DNAH11: variants seen among roughly 807,000 people sequenced by gnomAD.
The protein encoded by DNAH11 is dynein axonemal heavy chain 11, also known as axonemal beta dynein heavy chain 11.
In DNAH11, 442 loss-of-function variants were observed where a neutral mutation model predicts 526.0. The observed-to-expected ratio is 0.84, with a 90% CI of 0.78 to 0.91. The LOEUF (loss-of-function observed/expected upper bound fraction) is 0.91. DNAH11 is among the 40% of genes least tolerant of loss of function. The pLI, the probability that DNAH11 is intolerant of heterozygous loss-of-function variation, is 0.00. For missense variants in DNAH11, 6,989 were observed against 5,448.7 expected, an observed-to-expected ratio of 1.28 and a Z score of -8.90; for synonymous variants, 2,461 against 1,935.9, an observed-to-expected ratio of 1.27 and a Z score of -7.12.
Position 21,681,650 on chromosome 7 carries a change from C to T in DNAH11, c.5433C>T (p.Asp1811=), listed in dbSNP as rs761154725. Residue 1811 remains aspartate (D), a synonymous_variant, in exon 31 of 82, where the codon GAC becomes GAT. Transcript: ENST00000409508. ...GTACCATAGATGTCCATGCCAGAGA[C>T]GTGGTGGCAAAACTTATTTCTCAGA... ...TICTIDVHAR[D]VVAKLISQKV... is the part of the protein sequence containing the mutation. 1.1e-5 allele frequency: 18 copies of T among 1,613,858 alleles called. No homozygotes were observed. The highest frequency in any genetic ancestry group is 4.5e-5 in the East Asian group (2 of 44,868).
At chr7:21,885,672 AT>A (rs755485846) in intron 76 of DNAH11, among the ~76,000 whole-genome samples, 2 of 152,164 alleles carry the variant, frequency 1.3e-5, no homozygotes, top group Non-Finnish European at 2.9e-5. Context: ...TGATTGCCTG[AT>A]TTGATCATTA....
At chr7:21,720,631 C>T (rs977526418) in intron 43 of DNAH11, 94 bp from the exon 44 acceptor site, 7 of 1,339,398 alleles carry the variant, frequency 5.2e-6, no homozygotes, top group Non-Finnish European at 7.0e-6. Flanking sequence ...AAACTATGTA[C>T]TCTCTTAAGG....
chr7:21,707,564 TC>T (rs1171974568), intron 39 of DNAH11, 134 bp from the exon 40 acceptor site: 1 of 1,105,456 alleles, frequency 9.0e-7, no homozygotes, highest in African/African-American at 1.6e-5. Flanking sequence ...TGTGCATTTT[TC>T]CCCTTCTCGA....
In DNAH11 at chr7:21,654,744, G is replaced by A. The variant is rs571730999; in HGVS notation, c.4945-1088G>A. Among the ~76,000 whole-genome samples, 28 of 152,038 alleles carry A rather than the reference G, an allele frequency of 1.8e-4. 1 individual carries two copies. The highest frequency in any genetic ancestry group is 7.2e-4 in the Admixed American group (11 of 15,232). On this transcript the variant is annotated intron_variant, in intron 28 of 81. Coordinates refer to ENST00000409508, the MANE Select transcript of DNAH11 (RefSeq NM_001277115.2). ...CCATTTCTGATACTTCTTCTGGGCC[G>A]CCCCTGCCCTTTACTCAGTCTACCT...
At chr7:21,858,248 T>C (rs984331641) in intron 68 of DNAH11, among the ~76,000 whole-genome samples, 5 of 152,200 alleles carry the variant, frequency 3.3e-5, no homozygotes, top group African/African-American at 7.2e-5. Context: ...AGCACAGATA[T>C]GGTACTACAG....
In DNAH11 at chr7:21,600,670, A is replaced by G; in HGVS notation, c.3001-6A>G. ...ATAGTAAGTGCTGTGTTTTCCTCTC[A>G]TTTAGAATGATATGGATAACATGTT... On this transcript the variant is annotated splice_region_variant and splice_polypyrimidine_tract_variant and intron_variant, in intron 15 of 81. Transcript: ENST00000409508. 2.5e-6 allele frequency: 4 copies of G among 1,597,766 alleles called. No individual in the cohort carries two copies. Among genetic ancestry groups the G allele is most frequent in the Non-Finnish European group, 3.4e-6 (4 of 1,170,810 alleles).
intron 65 of DNAH11, among the ~76,000 whole-genome samples, chr7:21,838,249 T>C (rs1202682274): frequency 6.6e-6 from 1 of 152,244 alleles, no homozygotes; most frequent in African/African-American, 2.4e-5. Flanking sequence ...GTGATACACA[T>C]TGCTATGCTC....
chr7:21,773,138 A>G (rs1196516798), intron 55 of DNAH11, among the ~76,000 whole-genome samples: 1 of 152,182 alleles, frequency 6.6e-6, no homozygotes, highest in Non-Finnish European at 1.5e-5. Context: ...CAGAAGTCAT[A>G]GAGGACAAAA....
intron 67 of DNAH11, among the ~76,000 whole-genome samples, chr7:21,852,911 C>T (rs1161782468): frequency 2.0e-5 from 3 of 152,312 alleles, no homozygotes; most frequent in African/African-American, 7.2e-5. Flanking sequence ...CTGAGGCCTG[C>T]TGGCTTCTAT....
chr7:21,885,612 G>A (rs1784098492), intron 76 of DNAH11, among the ~76,000 whole-genome samples: 1 of 152,090 alleles, frequency 6.6e-6, no homozygotes, highest in South Asian at 2.1e-4. Flanking sequence ...AGAGGATTTT[G>A]TATGTTCCCA....
At chr7:21,593,434 C>G (rs1353526875) in intron 14 of DNAH11, among the ~76,000 whole-genome samples, 1 of 152,088 alleles carries the variant, frequency 6.6e-6, no homozygotes, top group Admixed American at 6.6e-5. Flanking sequence ...AAACCAACAA[C>G]TGGGCAGTAC....
chr7:21,706,689 C>G (rs1405838166), intron 39 of DNAH11, among the ~76,000 whole-genome samples: 1 of 152,132 alleles, frequency 6.6e-6, no homozygotes, highest in Non-Finnish European at 1.5e-5. Flanking sequence ...CAGTTCTGTT[C>G]TACTCAACAG....
At chr7:21,650,538 A>G (rs1208240568) in intron 28 of DNAH11, among the ~76,000 whole-genome samples, 12 of 139,950 alleles carry the variant, frequency 8.6e-5, no homozygotes, top group African/African-American at 3.4e-4. Flanking sequence ...TAGCTTCTAG[A>G]AGGCCTTTTT....
rs1789901098 is a variant in DNAH11 at position 21,818,328 on chromosome 7, T to A, written c.10680T>A (p.Ile3560=). 1 of 1,604,090 alleles carries A rather than the reference T, an allele frequency of 6.2e-7. No individual in the cohort carries two copies. Among genetic ancestry groups the A allele is most frequent in the Admixed American group, 1.7e-5 (1 of 57,480 alleles). ...VLDPLLGRNT[I]KKGKYIRIGD... is the part of the protein sequence containing the mutation. ...ATCCACTACTTGGCAGGAACACAATTAAAAAAGGAAAGTAAGTATTCTTGA... is the reference window on the plus strand; with the variant it reads ...ATCCACTACTTGGCAGGAACACAATAAAAAAAGGAAAGTAAGTATTCTTGA... The change falls in exon 65 of 82, where the codon ATT becomes ATA. Residue 3560 remains isoleucine, a synonymous_variant. Coordinates refer to ENST00000409508, the MANE Select transcript of DNAH11 (RefSeq NM_001277115.2).
chr7:21,589,635 A>G (rs1480316714), intron 12 of DNAH11, among the ~76,000 whole-genome samples: 4 of 152,140 alleles, frequency 2.6e-5, no homozygotes, highest in African/African-American at 9.7e-5. Context: ...CCCTCACTAG[A>G]TAATGAGCCA....
intron 40 of DNAH11, among the ~76,000 whole-genome samples, chr7:21,709,786 G>A (rs946013084): frequency 1.3e-5 from 2 of 152,110 alleles, no homozygotes; most frequent in African/African-American, 2.4e-5. Flanking sequence ...GTGACTATTA[G>A]AAAAGTTTGC....
Position 21,892,481 on chromosome 7 carries a change from T to G in DNAH11, c.12564T>G (p.Tyr4188Ter). 1 of 1,613,934 alleles carries G rather than the reference T, an allele frequency of 6.2e-7. No individual in the cohort carries two copies. The highest frequency in any genetic ancestry group is 8.5e-7 in the Non-Finnish European group (1 of 1,179,844). ...TTGCTGCCCCACCCTACCTAGATTA[T>G]GCAGGCTACCACCAGTACATAGAGG... ...PGFAAPPYLD[Y>*]AGYHQYIEEM... The change falls in exon 77 of 82, where the codon TAT (tyrosine) becomes TAG (stop). Residue 4188 changes from tyrosine to a stop codon, truncating the protein, a stop_gained. Coordinates refer to ENST00000409508, the MANE Select transcript of DNAH11 (RefSeq NM_001277115.2). LOFTEE classifies it high-confidence loss of function.
chr7:21,900,672 G>A (rs182706421), intron 81 of DNAH11, among the ~76,000 whole-genome samples: 1 of 152,168 alleles, frequency 6.6e-6, no homozygotes. Context: ...AGAATAAGGT[G>A]CGACGGGGAG....
At chr7:21,677,114 TTAAC>T (rs1218044874) in intron 30 of DNAH11, among the ~76,000 whole-genome samples, 3 of 152,118 alleles carry the variant, frequency 2.0e-5, no homozygotes, top group Non-Finnish European at 4.4e-5. Flanking sequence ...TTTTAAACAT[TTAAC>T]TACTTTTTAA....
Sources: gnomAD v4.1 joint callset for allele counts (sites outside exome capture counted in the v4.1 genomes callset) on GRCh38, gnomAD v4.1.1 for gene constraint, MANE v1.5 for transcripts, NCBI Gene and HGNC (gene_info 2026-07-23, HGNC 2026-07-21) for gene names.